The following CSMD1 variants were observed in gnomAD, a reference collection of about 807,000 sequenced individuals.
The protein encoded by CSMD1 is CUB and sushi domain-containing protein 1.
CSMD1 carries 213 observed loss-of-function variants against 417.5 expected under a neutral mutation model. The ratio of observed to expected loss-of-function variants is 0.51; its 90% CI spans 0.46 to 0.57. CSMD1 has a LOEUF of 0.57. Ranked by LOEUF, CSMD1 falls within the 20% of genes least tolerant of loss-of-function variation. The probability of loss-of-function intolerance (pLI) is 0.00; values close to 1 mark genes in which losing one functional copy is unlikely to be tolerated. For synonymous variants in CSMD1, 2,862 were observed against 1,736.8 expected (o/e 1.65, Z -16.11); for missense variants, 6,923 against 4,529.7 (o/e 1.53, Z -15.17).
intron 10 of CSMD1, among the ~76,000 whole-genome samples, chr8:3,533,407 A>G (rs1417625813): frequency 6.6e-6 from 1 of 152,166 alleles, no homozygotes; most frequent in Non-Finnish European, 1.5e-5. Context: ...CCCCTCCCTG[A>G]TAACAGTGGT....
intron 1 of CSMD1, among the ~76,000 whole-genome samples, chr8:4,855,161 C>A (rs1801720520): frequency 6.6e-6 from 1 of 150,758 alleles, no homozygotes. Context: ...CACACTGACA[C>A]CTCACACGGC....
chr8:3,007,366 T>C (rs1585137163), intron 52 of CSMD1, among the ~76,000 whole-genome samples: 1 of 151,900 alleles, frequency 6.6e-6, no homozygotes, highest in South Asian at 2.1e-4. Flanking sequence ...AGTGTGGCGA[T>C]TCCTCAGGGA....
Position 3,359,245 on chromosome 8 carries a change from A to C in CSMD1, c.3211T>G (p.Cys1071Gly). 4 of 1,613,930 alleles carry C rather than the reference A, an allele frequency of 2.5e-6. No individual in the cohort carries two copies. The highest frequency in any genetic ancestry group is 3.4e-6 in the Non-Finnish European group (4 of 1,179,842). ...CCTTCTAAACGATATCCCAGGAAGC[A>C]GGAAAACGTCAGAGAGTCTCCCACA... ...FGVGDSLTFSCFLGYRLEGAT... is the reference protein window; with the variant it reads ...FGVGDSLTFSGFLGYRLEGAT... Residue 1071 changes from cysteine to glycine, a missense_variant, in exon 21 of 70, where the codon TGC becomes GGC. By Grantham distance (159) the Cys-to-Gly change is radical (BLOSUM62 -3). Coordinates refer to ENST00000635120, the MANE Select transcript of CSMD1 (RefSeq NM_033225.6).
At chr8:4,179,792 G>C (rs1450322474) in intron 3 of CSMD1, among the ~76,000 whole-genome samples, 2 of 152,044 alleles carry the variant, frequency 1.3e-5, no homozygotes, top group Non-Finnish European at 2.9e-5. Context: ...CTTCTCAAAA[G>C]AAGACATTTA....
chr8:4,148,621 T>C (rs1220244634), intron 3 of CSMD1, among the ~76,000 whole-genome samples: 2 of 152,046 alleles, frequency 1.3e-5, no homozygotes, highest in Non-Finnish European at 2.9e-5. Context: ...GTGTAGACAG[T>C]AGCTGCTCCT....
intron 1 of CSMD1, among the ~76,000 whole-genome samples, chr8:4,877,510 C>T (rs1208840592): frequency 6.6e-6 from 1 of 152,044 alleles, no homozygotes; most frequent in Non-Finnish European, 1.5e-5. Context: ...TTCCCGATCC[C>T]CTAAACTTCC....
At chr8:4,756,811 A>G (rs946402102) in intron 1 of CSMD1, among the ~76,000 whole-genome samples, 1 of 152,202 alleles carries the variant, frequency 6.6e-6, no homozygotes, top group Non-Finnish European at 1.5e-5. Flanking sequence ...TCTGCTGGAT[A>G]ATAGAAGAGC....
At chr8:3,073,779 T>C (rs1585280583) in intron 49 of CSMD1, among the ~76,000 whole-genome samples, 1 of 138,396 alleles carries the variant, frequency 7.2e-6, no homozygotes, top group South Asian at 2.3e-4. Context: ...TAAAATATAA[T>C]GGTCAAAAAA....
intron 12 of CSMD1, among the ~76,000 whole-genome samples, chr8:3,450,286 C>T (rs753177695): frequency 6.6e-6 from 1 of 151,544 alleles, no homozygotes; most frequent in Non-Finnish European, 1.5e-5. Context: ...CCTACCCATA[C>T]ACATGGTTGC....
In CSMD1 at chr8:2,963,250, C is replaced by A; in HGVS notation, c.9426G>T (p.Val3142=). The A allele has an allele frequency of 6.2e-7, 1 of 1,613,916 alleles. No homozygotes were observed. The highest frequency in any genetic ancestry group is 1.1e-5 in the South Asian group (1 of 91,082). Residue 3142 remains valine (V), a synonymous_variant, in exon 60 of 70, where the codon GTG becomes GTT. Transcript: ENST00000635120. The part of the protein sequence containing the change: ...SAILSCEGRG[V]WKGEIPQCLP... Reference sequence around the variant, plus strand: ...GACACTGGGGGATCTCTCCTTTCCACACCCCGCGACCTTCACAGGAGAGGA... The same window carrying A: ...GACACTGGGGGATCTCTCCTTTCCAAACCCCGCGACCTTCACAGGAGAGGA...
chr8:4,925,537 C>CTTTT (rs113682113), intron 1 of CSMD1, among the ~76,000 whole-genome samples: 2 of 145,952 alleles, frequency 1.4e-5, no homozygotes. Context: ...CTGGCATTTT[C>CTTTT]TTTTTTTTTT....
chr8:3,186,083 A>G (rs1030319541), intron 36 of CSMD1, among the ~76,000 whole-genome samples: 1 of 150,450 alleles, frequency 6.6e-6, no homozygotes, highest in Non-Finnish European at 1.5e-5. Context: ...AACACCCATC[A>G]CCTACCTGTA....
chr8:4,181,172 G>T (rs545665316), intron 3 of CSMD1, among the ~76,000 whole-genome samples: 3 of 152,214 alleles, frequency 2.0e-5, no homozygotes, highest in African/African-American at 4.8e-5. Flanking sequence ...AAAAGTAAAT[G>T]AGAAAGCATT....
At chr8:4,980,009 C>T (rs1003663799) in intron 1 of CSMD1, among the ~76,000 whole-genome samples, 2 of 152,158 alleles carry the variant, frequency 1.3e-5, no homozygotes, top group African/African-American at 4.8e-5. Context: ...TGCACTCCAG[C>T]CTGGGCGACA....
intron 2 of CSMD1, among the ~76,000 whole-genome samples, chr8:4,505,944 G>A (rs966309000): frequency 6.6e-6 from 1 of 151,974 alleles, no homozygotes; most frequent in African/African-American, 2.4e-5. Flanking sequence ...GATTACAGGT[G>A]CATGTCACCA....
chr8:4,965,185 G>C (rs752822596), intron 1 of CSMD1, among the ~76,000 whole-genome samples: 2 of 152,160 alleles, frequency 1.3e-5, no homozygotes, highest in African/African-American at 4.8e-5. Context: ...ATGTATCTAA[G>C]AAAACACACA....
rs535929405 is a variant in CSMD1 at position 3,474,963 on chromosome 8, T to G, written c.1449-6139A>C. Among the ~76,000 whole-genome samples the G allele has an allele frequency of 1.1e-4, 16 of 152,288 alleles. 1 individual carries two copies. In the South Asian group the frequency reaches 3.3e-3, roughly 32 times the overall value. ...CATCATATTGTAGCTGCCTGCCTTT[T>G]TTGCCCCCAAGCCCTGCAGTGTAAA... On this transcript the variant is annotated intron_variant, in intron 11 of 69. Coordinates refer to ENST00000635120, the MANE Select transcript of CSMD1 (RefSeq NM_033225.6).
At chr8:3,102,661 G>A (rs1393893108) in intron 46 of CSMD1, among the ~76,000 whole-genome samples, 1 of 152,184 alleles carries the variant, frequency 6.6e-6, no homozygotes, top group Non-Finnish European at 1.5e-5. Flanking sequence ...TCTCACCAAT[G>A]CAGGCCTCCA....
intron 5 of CSMD1, among the ~76,000 whole-genome samples, chr8:3,926,104 CACA>C (rs1469358637): frequency 2.4e-5 from 1 of 41,646 alleles, no homozygotes; most frequent in African/African-American, 1.2e-4. Flanking sequence ...CACACACACA[CACA>C]CACACACACA....
Sources: allele counts gnomAD v4.1 joint callset (sites outside exome capture counted in the v4.1 genomes callset), GRCh38; gene constraint gnomAD v4.1.1; transcripts MANE v1.5; gene names NCBI Gene and HGNC (gene_info 2026-07-23, HGNC 2026-07-21).